Variants in MKRN2OS observed in about 807,000 individuals in gnomAD.
MKRN2OS encodes the protein MKRN2 opposite strand protein.
Under a neutral mutation model 18.2 loss-of-function variants are expected in MKRN2OS, and 17 were observed. The ratio of observed to expected loss-of-function variants is 0.93; its 90% confidence interval spans 0.64 to 1.40. The LOEUF (loss-of-function observed/expected upper bound fraction) is 1.40, where lower values mean the gene tolerates loss of function less well. Ranked by LOEUF, MKRN2OS falls within the 40% of genes most tolerant of loss-of-function variation. The pLI is 0.00. For synonymous variants in MKRN2OS, 121 were observed against 108.5 expected, an observed-to-expected ratio of 1.12 and a Z score of -0.72; for missense variants, 337 against 283.0, an observed-to-expected ratio of 1.19 and a Z score of -1.37.
In MKRN2OS at chr3:12,545,360, G is replaced by T. The variant is rs895320296; in HGVS notation, c.105C>A (p.Asp35Glu). The change falls in exon 1 of 4, where the codon GAC becomes GAA. Residue 35 changes from aspartate to glutamate, a missense_variant. Transcript: ENST00000564146. ...CGTCCTCCAGCTTCCTCGAGCCCAG[G>T]TCCTGCTGGCAGAGAGGGCAGCACT... The part of the protein sequence containing the change: ...VPQCCPLCQQ[D>E]LGSRKLEDAP... 6.5e-7 allele frequency: 1 copy of T among 1,536,032 alleles called. No individual in the cohort carries two copies. The highest frequency in any genetic ancestry group is 2.0e-5 in the Admixed American group (1 of 50,990).
chr3:12,542,720 A>C lies in MKRN2OS; in HGVS notation c.268+460T>G, dbSNP rs577169868. Among the ~76,000 whole-genome samples the C allele has an allele frequency of 9.4e-3, 1,222 of 129,744 alleles. 26 individuals are homozygous for C. The highest frequency in any genetic ancestry group is 0.016 in the Admixed American group (216 of 13,738). The allele number at this position is 129,744 out of a possible 152,430, so 85.1% of individuals were successfully genotyped here. ...TAATCTTCACTTTCCTTAAAAAAAA[A>C]AAAAAAAAAAAAAACACTGCAGGCC... On this transcript the variant is annotated intron_variant, in intron 2 of 3. Coordinates refer to ENST00000564146, the MANE Select transcript of MKRN2OS (RefSeq NM_001195279.2).
chr3:12,560,738 T>TC (rs946816358), intron 1 of MKRN2OS: 7 of 152,076 alleles, frequency 4.6e-5, no homozygotes, highest in African/African-American at 1.7e-4. Flanking sequence ...CTTTGGAGTG[T>TC]CCCCCAGAAA....
At chr3:12,543,609 G>A (rs895817931) in intron 1 of MKRN2OS, among the ~76,000 whole-genome samples, 1 of 149,108 alleles carries the variant, frequency 6.7e-6, no homozygotes, top group African/African-American at 2.5e-5. Context: ...GAGCCAGCTG[G>A]ATGCAGTGGC....
intron 3 of MKRN2OS, 114 bp from the exon 4 acceptor site, chr3:12,540,547 A>G (rs1316542734): frequency 1.6e-6 from 2 of 1,240,452 alleles, no homozygotes; most frequent in African/African-American, 1.5e-5. Context: ...AGGCCCCTGC[A>G]TGTGCTGGCT....
chr3:12,552,089 G>A (rs1335467860), downstream of MKRN2OS, among the ~76,000 whole-genome samples: 1 of 152,122 alleles, frequency 6.6e-6, no homozygotes, highest in Non-Finnish European at 1.5e-5. Flanking sequence ...GGAGGCCGAG[G>A]CAGGTGAATC....
intron 1 of MKRN2OS, chr3:12,556,973 T>C (rs2057977188): frequency 1.7e-6 from 1 of 594,940 alleles, no homozygotes; most frequent in Admixed American, 4.5e-5. Flanking sequence ...CGGAACCAAT[T>C]GTGACGACGG....
chr3:12,548,473 A>AC (rs1223653983), upstream of MKRN2OS, among the ~76,000 whole-genome samples: 45 of 32,800 alleles, frequency 1.4e-3, 1 homozygote, highest in African/African-American at 0.015. Flanking sequence ...AAAAAAAAAA[A>AC]AAAAAAAAAC....
At chr3:12,541,630 T>C (rs566816048) in intron 3 of MKRN2OS, among the ~76,000 whole-genome samples, 38 of 152,344 alleles carry the variant, frequency 2.5e-4, no homozygotes, top group African/African-American at 7.7e-4. Context: ...TCTAGACCTT[T>C]CAGCTCTTAC....
At position 12,540,159 on chromosome 3, in the gene MKRN2OS, A is replaced by AC; in HGVS notation, c.*33dup. On this transcript the variant is annotated 3_prime_UTR_variant, in exon 4 of 4. Transcript: ENST00000564146. ...ACTGATTAAAGGTAGCAACCACCCTACCCTCCAGCGTCCAGGCTGCGCTTA... is the reference window on the plus strand; with the variant it reads ...ACTGATTAAAGGTAGCAACCACCCTACCCCTCCAGCGTCCAGGCTGCGCTTA... The AC allele has an allele frequency of 6.5e-7, 1 of 1,535,694 alleles. No homozygotes were observed. Among genetic ancestry groups the AC allele is most frequent in the Non-Finnish European group, 8.7e-7 (1 of 1,146,680 alleles).
downstream of MKRN2OS, among the ~76,000 whole-genome samples, chr3:12,552,835 CAACAT>C (rs1270502614): frequency 7.9e-5 from 12 of 151,738 alleles, no homozygotes; most frequent in East Asian, 2.3e-3. Flanking sequence ...CCAGCCTGGG[CAACAT>C]AGTGAGATCT....
At chr3:12,558,656 C>G (rs1282488734) in intron 1 of MKRN2OS, among the ~76,000 whole-genome samples, 1 of 152,214 alleles carries the variant, frequency 6.6e-6, no homozygotes, top group East Asian at 1.9e-4. Flanking sequence ...TTAGTAGAGG[C>G]ACAAGGACCT....
At chr3:12,541,830 A>G (rs1559380002) in intron 3 of MKRN2OS, 30 bp downstream of exon 3, 2 of 1,528,598 alleles carry the variant, frequency 1.3e-6, no homozygotes, top group Non-Finnish European at 1.7e-6. Context: ...TGTGAGTGTC[A>G]GCGAGGGGGC....
chr3:12,540,350 A>C lies in MKRN2OS; in HGVS notation c.515T>G (p.Leu172Arg). 3 of 1,536,080 alleles carry C rather than the reference A, an allele frequency of 2.0e-6. No individual in the cohort carries two copies. The highest frequency in any genetic ancestry group is 2.6e-6 in the Non-Finnish European group (3 of 1,146,896). Residue 172 changes from leucine to arginine, a missense_variant, in exon 4 of 4, where the codon CTG becomes CGG. Leu to Arg is a moderately radical substitution (Grantham distance 102). Coordinates refer to ENST00000564146, the MANE Select transcript of MKRN2OS (RefSeq NM_001195279.2). ...CTTCTCCGTAAATTCACCCTTGTCC[A>C]GTTGCTGTCTACCTTCTGCCATCAG... is the stretch of plus-strand genomic sequence containing the variant. Reference protein sequence around the residue: ...CVLMAEGRQQLDKGEFTEKYV... With the variant: ...CVLMAEGRQQRDKGEFTEKYV...
At chr3:12,555,310 TCAAA>T (rs2057959380) in intron 1 of MKRN2OS, among the ~76,000 whole-genome samples, 1 of 36,392 alleles carries the variant, frequency 2.7e-5, no homozygotes. Context: ...AGACTCCGTC[TCAAA>T]AAAAAAAAAA....
chr3:12,545,931 G>A (rs751325090), upstream of MKRN2OS, among the ~76,000 whole-genome samples: 4 of 152,036 alleles, frequency 2.6e-5, no homozygotes, highest in Admixed American at 1.3e-4. Flanking sequence ...TCAGCCTCCC[G>A]GAGTAGCTGG....
intron 1 of MKRN2OS, chr3:12,557,001 G>T: frequency 1.1e-6 from 1 of 881,456 alleles, no homozygotes; most frequent in Non-Finnish European, 1.5e-6. Context: ...ACCCGCCGGC[G>T]CTACAAAGGT....
intron 1 of MKRN2OS, among the ~76,000 whole-genome samples, chr3:12,544,881 G>C (rs2057864500): frequency 6.6e-6 from 1 of 152,170 alleles, no homozygotes; most frequent in Non-Finnish European, 1.5e-5. Context: ...GGCCCTGTAG[G>C]TTGTACCTGT....
chr3:12,540,108 G>C lies in MKRN2OS; in HGVS notation c.*85C>G. On this transcript the variant is annotated 3_prime_UTR_variant, in exon 4 of 4. Coordinates refer to ENST00000564146, the MANE Select transcript of MKRN2OS (RefSeq NM_001195279.2). ...CCCATACACGCTTTTATTAACCACA[G>C]TTAAATGCATTTAGAAATCCATAGT... 2 of 1,514,494 alleles carry C rather than the reference G, an allele frequency of 1.3e-6. No individual in the cohort carries two copies. The highest frequency in any genetic ancestry group is 1.8e-6 in the Non-Finnish European group (2 of 1,131,364). The allele number at this position is 1,514,494 out of a possible 1,614,324, so 93.8% of individuals were successfully genotyped here.
downstream of MKRN2OS, among the ~76,000 whole-genome samples, chr3:12,553,499 C>T (rs1329914376): frequency 6.6e-6 from 1 of 151,258 alleles, no homozygotes; most frequent in African/African-American, 2.4e-5. Flanking sequence ...TAGAAAGAAA[C>T]TTTCTTAATT....
Sources: gnomAD v4.1 joint callset for allele counts (sites outside exome capture counted in the v4.1 genomes callset) on GRCh38, gnomAD v4.1.1 for gene constraint, MANE v1.5 for transcripts, NCBI Gene and HGNC (gene_info 2026-07-23, HGNC 2026-07-21) for gene names.